SEC22B: variants seen among roughly 807,000 people sequenced by gnomAD.
SEC22B encodes SEC22 homolog B, vesicle trafficking protein, also known as vesicle-trafficking protein SEC22b.
Under a neutral mutation model 31.4 loss-of-function variants are expected in SEC22B, and 10 were observed. That is an observed-to-expected ratio of 0.32 (90% CI 0.20 to 0.54). The LOEUF (loss-of-function observed/expected upper bound fraction) is 0.54. SEC22B is among the 20% of genes least tolerant of loss of function. The probability of loss-of-function intolerance (pLI) is 0.94; values close to 1 mark genes in which losing one functional copy is unlikely to be tolerated. For synonymous variants in SEC22B, 60 were observed against 95.9 expected (o/e 0.63, Z 2.19); for missense variants, 130 against 263.4 (o/e 0.49, Z 3.50).
intron 3 of SEC22B, among the ~76,000 whole-genome samples, chr1:120,161,433 G>C (rs1260877062): frequency 6.6e-6 from 1 of 151,538 alleles, no homozygotes; most frequent in Non-Finnish European, 1.5e-5. Context: ...TGTCTCACAC[G>C]TATAAATCCC....
Position 120,151,844 on chromosome 1 carries a change from A to ATTT in SEC22B, c.*5193_*5194insAAA. 11 of 148,976 alleles carry ATTT rather than the reference A, an allele frequency of 7.4e-5. No individual in the cohort carries two copies. The highest frequency in any genetic ancestry group is 2.5e-4 in the African/African-American group (10 of 39,376). The allele number at this position is 148,976 out of a possible 1,614,324, so 9.2% of individuals were successfully genotyped here. A position where few individuals can be genotyped will look rare whatever the true frequency, so the allele number is the denominator to read the frequency against. On this transcript the variant is annotated 3_prime_UTR_variant, in exon 5 of 5. Coordinates refer to ENST00000578049, the MANE Select transcript of SEC22B (RefSeq NM_004892.6). The stretch of plus-strand genomic sequence containing the variant: ...AAAATACCTTTTGAAAGTTATATTA[A>ATTT]AAAATTTTTGGTTAATAGTCTAGTT...
At chr1:120,168,373 C>G (rs1254859986) in intron 2 of SEC22B, among the ~76,000 whole-genome samples, 20 of 151,966 alleles carry the variant, frequency 1.3e-4, no homozygotes, top group Non-Finnish European at 2.5e-4. Context: ...ATAATAATAA[C>G]TAATAATTAT....
rs1266889545 is a variant in SEC22B at position 120,156,702 on chromosome 1, T to A, written c.*336A>T. On this transcript the variant is annotated 3_prime_UTR_variant, in exon 5 of 5. Coordinates refer to ENST00000578049, the MANE Select transcript of SEC22B (RefSeq NM_004892.6). The stretch of plus-strand genomic sequence containing the variant: ...CACAGGTTGACTAAGTTAAATCTCA[T>A]TGATGGCTCCATCAGAGAATGAGAA... The A allele has an allele frequency of 1.7e-5, 3 of 181,468 alleles. No individual in the cohort carries two copies. The highest frequency in any genetic ancestry group is 3.4e-5 in the Non-Finnish European group (3 of 88,226). 11.2% of individuals were successfully genotyped at this position (181,468 alleles called of 1,614,324 possible). A position where few individuals can be genotyped will look rare whatever the true frequency, so the allele number is the denominator to read the frequency against.
intron 2 of SEC22B, among the ~76,000 whole-genome samples, chr1:120,164,706 A>C (rs2101129494): frequency 6.6e-6 from 1 of 152,348 alleles, no homozygotes; most frequent in Admixed American, 6.5e-5. Context: ...TGCTATTGTG[A>C]ATAGTGCTGC....
intron 1 of SEC22B, among the ~76,000 whole-genome samples, chr1:120,170,615 C>G (rs1469262284): frequency 2.0e-5 from 3 of 151,032 alleles, no homozygotes; most frequent in African/African-American, 7.4e-5. Context: ...ACTGTTATGG[C>G]AATTATTTGT....
intron 2 of SEC22B, 60 bp downstream of exon 2, chr1:120,168,780 C>T: frequency 1.8e-6 from 1 of 561,806 alleles, no homozygotes. Context: ...TATTTTTTAT[C>T]AGGCATTCTG....
intron 1 of SEC22B, among the ~76,000 whole-genome samples, chr1:120,169,371 C>G (rs1323439631): frequency 1.3e-5 from 2 of 152,066 alleles, no homozygotes; most frequent in African/African-American, 2.4e-5. Context: ...GAACCTTCCA[C>G]AAGTGTTACA....
rs2101124887 is a variant in SEC22B at position 120,154,063 on chromosome 1, A to G, written c.*2975T>C. 1 of 151,752 alleles carries G rather than the reference A, an allele frequency of 6.6e-6. No individual in the cohort carries two copies. The highest frequency in any genetic ancestry group is 3.4e-3 in the Middle Eastern group (1 of 292). The allele number at this position is 151,752 out of a possible 1,614,324, so 9.4% of individuals were successfully genotyped here. A position where few individuals can be genotyped will look rare whatever the true frequency, so the allele number is the denominator to read the frequency against. ...GAAAAGCACTTGTGAGAGTAGTTCTATGTCTTTACTTCCTAGTGGTTTACA... is the reference window on the plus strand; with the variant it reads ...GAAAAGCACTTGTGAGAGTAGTTCTGTGTCTTTACTTCCTAGTGGTTTACA... On this transcript the variant is annotated 3_prime_UTR_variant, in exon 5 of 5. Transcript: ENST00000578049.
At chr1:120,157,622 AATT>A (rs1471702089) in intron 4 of SEC22B, 1 of 148,310 alleles carries the variant, frequency 6.7e-6, no homozygotes, top group Non-Finnish European at 1.5e-5. Flanking sequence ...ACATGTTAAT[AATT>A]ATTATCTTCA....
intron 2 of SEC22B, among the ~76,000 whole-genome samples, chr1:120,167,267 G>GAA (rs1416519744): frequency 2.6e-5 from 4 of 151,238 alleles, no homozygotes; most frequent in African/African-American, 9.7e-5. Context: ...ATACTCCATG[G>GAA]TATTATATTT....
In SEC22B at chr1:120,156,885, C is replaced by T. The variant is rs1341865330; in HGVS notation, c.*153G>A. ...TTAAGCTTCATTAAATGAGGTGCAA[C>T]CTTTCATTTTCAGGGCATCTCTTTT... On this transcript the variant is annotated 3_prime_UTR_variant, in exon 5 of 5. Transcript: ENST00000578049. 1 of 486,704 alleles carries T rather than the reference C, an allele frequency of 2.1e-6. No individual in the cohort carries two copies. Among genetic ancestry groups the T allele is most frequent in the African/African-American group, 2.0e-5 (1 of 50,380 alleles). The allele number at this position is 486,704 out of a possible 1,614,324, so 30.1% of individuals were successfully genotyped here.
intron 2 of SEC22B, among the ~76,000 whole-genome samples, chr1:120,164,779 T>C (rs1267501900): frequency 6.6e-6 from 1 of 152,038 alleles, no homozygotes; most frequent in Non-Finnish European, 1.5e-5. Context: ...TATAAACCCA[T>C]TAATGGGTTT....
At chr1:120,175,786 GAGA>G (rs1657949985) in intron 1 of SEC22B, among the ~76,000 whole-genome samples, 1 of 152,132 alleles carries the variant, frequency 6.6e-6, no homozygotes, top group African/African-American at 2.4e-5. Context: ...CGGCGTATTG[GAGA>G]AGGTGGGAAC....
intron 1 of SEC22B, among the ~76,000 whole-genome samples, chr1:120,175,532 T>G (rs1267366731): frequency 6.6e-6 from 1 of 152,024 alleles, no homozygotes; most frequent in Admixed American, 6.6e-5. Flanking sequence ...CAGAAACTTG[T>G]CTTACTTCAG....
At chr1:120,163,885 C>T (rs1339429291) in intron 2 of SEC22B, among the ~76,000 whole-genome samples, 5 of 149,804 alleles carry the variant, frequency 3.3e-5, no homozygotes, top group South Asian at 4.2e-4. Flanking sequence ...GCCTATTAGC[C>T]GTATATTCTA....
intron 1 of SEC22B, 76 bp downstream of exon 1, chr1:120,176,231 T>C (rs1434333873): frequency 4.0e-5 from 57 of 1,425,762 alleles, no homozygotes; most frequent in Non-Finnish European, 5.4e-5. Context: ...CTCCCGGTCC[T>C]AGGAAGGAAT....
In SEC22B at chr1:120,157,199, A is replaced by T. The variant is rs1657641016; in HGVS notation, c.494-7T>A. The T allele has an allele frequency of 7.1e-7, 1 of 1,408,338 alleles. No individual in the cohort carries two copies. 87.2% of individuals were successfully genotyped at this position (1,408,338 alleles called of 1,614,324 possible). A position where few individuals can be genotyped will look rare whatever the true frequency, so the allele number is the denominator to read the frequency against. ...TTAGCCTTTGAATCCAATGCTGTCA[A>T]AGAGGAAAAAAGGAAAACATTAATT... On this transcript the variant is annotated splice_region_variant and splice_polypyrimidine_tract_variant and intron_variant, in intron 4 of 4. Transcript: ENST00000578049.
At chr1:120,161,050 G>A (rs1657708283) in intron 3 of SEC22B, among the ~76,000 whole-genome samples, 1 of 152,186 alleles carries the variant, frequency 6.6e-6, no homozygotes, top group South Asian at 2.1e-4. Flanking sequence ...CAGGAGAAAT[G>A]TCCTTTGAAT....
At chr1:120,161,524 A>G (rs1187788038) in intron 3 of SEC22B, among the ~76,000 whole-genome samples, 76 of 152,312 alleles carry the variant, frequency 5.0e-4, no homozygotes, top group Admixed American at 3.9e-3. Flanking sequence ...CAAAACTCCC[A>G]TCTCTACCAA....
Sources: gnomAD v4.1 joint callset for allele counts (sites outside exome capture counted in the v4.1 genomes callset) on GRCh38, gnomAD v4.1.1 for gene constraint, MANE v1.5 for transcripts, NCBI Gene and HGNC (gene_info 2026-07-23, HGNC 2026-07-21) for gene names.